Variants in ADGRL3 observed in about 807,000 individuals in gnomAD.
ADGRL3 encodes adhesion G protein-coupled receptor L3.
ADGRL3 carries 62 observed loss-of-function variants against 153.5 expected under a neutral mutation model. The ratio of observed to expected loss-of-function variants is 0.40; its 90% confidence interval spans 0.33 to 0.50. ADGRL3 has a LOEUF of 0.50. Among genes scored for constraint, ADGRL3 ranks in the 20% least tolerant of loss-of-function variants. The probability of loss-of-function intolerance (pLI) is 0.47; values close to 1 mark genes in which losing one functional copy is unlikely to be tolerated. For missense variants in ADGRL3, 1,641 were observed against 1,859.4 expected (o/e 0.88, Z 2.16); for synonymous variants, 710 against 672.5 (o/e 1.06, Z -0.86).
chr4:61,981,098 C>A (rs907904943), intron 18 of ADGRL3, among the ~76,000 whole-genome samples: 3 of 152,092 alleles, frequency 2.0e-5, no homozygotes, highest in African/African-American at 7.2e-5. Flanking sequence ...TTCCCATTAA[C>A]AATAAAGGAG....
rs144895277 is a variant in ADGRL3 at position 61,558,593 on chromosome 4, C to G, written c.260-28634C>G. 1.2e-4 allele frequency among the ~76,000 whole-genome samples: 18 copies of G among 152,018 alleles called. No homozygotes were observed. In the East Asian group the frequency reaches 2.9e-3, roughly 25 times the overall value. Reference sequence around the variant, plus strand: ...GTTCATTGATCTGTCTATATAACATCTATCATCTATCCATCTATCTATCAA... The same window carrying G: ...GTTCATTGATCTGTCTATATAACATGTATCATCTATCCATCTATCTATCAA... On this transcript the variant is annotated intron_variant, in intron 4 of 26. Coordinates refer to ENST00000683033, the MANE Select transcript of ADGRL3 (RefSeq NM_001387552.1).
intron 6 of ADGRL3, among the ~76,000 whole-genome samples, chr4:61,678,820 G>C (rs1330302941): frequency 1.3e-5 from 2 of 151,928 alleles, no homozygotes; most frequent in African/African-American, 4.8e-5. Flanking sequence ...AAATTATCTG[G>C]AGTATGTTTC....
chr4:61,598,138 G>A (rs193006125), intron 5 of ADGRL3, among the ~76,000 whole-genome samples: 75 of 151,856 alleles, frequency 4.9e-4, no homozygotes, highest in Middle Eastern at 6.8e-3. Context: ...TAGTAAGTTA[G>A]CATTTCCCTG....
chr4:62,069,439 C>A (rs922758536), intron 26 of ADGRL3, among the ~76,000 whole-genome samples: 2 of 151,926 alleles, frequency 1.3e-5, no homozygotes, highest in Non-Finnish European at 2.9e-5. Context: ...ACTTTTGTTT[C>A]GAAAATTCCT....
chr4:61,384,932 C>T (rs998750566), intron 2 of ADGRL3, among the ~76,000 whole-genome samples: 2 of 151,938 alleles, frequency 1.3e-5, no homozygotes, highest in African/African-American at 2.4e-5. Context: ...TAACTGCTAA[C>T]GGATACAAGG....
At chr4:61,886,425 A>AAGGAAATGCTT (rs2098539167) in intron 9 of ADGRL3, among the ~76,000 whole-genome samples, 1 of 152,118 alleles carries the variant, frequency 6.6e-6, no homozygotes, top group Admixed American at 6.5e-5. Context: ...GGGTGGGGAG[A>AAGGAAATGCTT]AGGAAATGCT....
chr4:61,530,080 G>A lies in ADGRL3; in HGVS notation c.259+12562G>A, dbSNP rs945569419. 7.9e-5 allele frequency among the ~76,000 whole-genome samples: 12 copies of A among 152,180 alleles called. 1 individual carries two copies. The highest frequency in any genetic ancestry group is 3.4e-3 in the Middle Eastern group (1 of 294). On this transcript the variant is annotated intron_variant, in intron 4 of 26. Coordinates refer to ENST00000683033, the MANE Select transcript of ADGRL3 (RefSeq NM_001387552.1). ...AGTTTTCAGTATGATGTATTTCCAGGTGTCCATGAGCCAGTTCTGTAGGGA... is the reference window on the plus strand; with the variant it reads ...AGTTTTCAGTATGATGTATTTCCAGATGTCCATGAGCCAGTTCTGTAGGGA...
chr4:61,291,222 A>G (rs948435681), intron 1 of ADGRL3, among the ~76,000 whole-genome samples: 30 of 150,400 alleles, frequency 2.0e-4, no homozygotes, highest in African/African-American at 7.3e-4. Context: ...ACACACGCAC[A>G]CACACACACC....
chr4:61,794,664 A>G (rs1280593536), intron 8 of ADGRL3, among the ~76,000 whole-genome samples: 2 of 152,216 alleles, frequency 1.3e-5, no homozygotes, highest in South Asian at 2.1e-4. Context: ...GTGATTGTTC[A>G]CTTGCCTGTG....
At chr4:61,207,723 T>C (rs1737972693) in intron 1 of ADGRL3, among the ~76,000 whole-genome samples, 1 of 152,210 alleles carries the variant, frequency 6.6e-6, no homozygotes, top group Admixed American at 6.5e-5. Context: ...GTTTTCTGAC[T>C]TTTTAATGAT....
intron 9 of ADGRL3, among the ~76,000 whole-genome samples, chr4:61,880,124 C>CTACAGA (rs2098500806): frequency 6.6e-6 from 1 of 152,124 alleles, no homozygotes; most frequent in Admixed American, 6.6e-5. Flanking sequence ...GTTACTAAGT[C>CTACAGA]CTCAACCTAC....
At chr4:61,240,699 A>G (rs1232707313) in intron 1 of ADGRL3, among the ~76,000 whole-genome samples, 1 of 151,988 alleles carries the variant, frequency 6.6e-6, no homozygotes, top group African/African-American at 2.4e-5. Context: ...CTAGGGATAT[A>G]CTCATGTGTT....
At chr4:61,861,071 T>C (rs2098335562) in intron 9 of ADGRL3, among the ~76,000 whole-genome samples, 1 of 152,220 alleles carries the variant, frequency 6.6e-6, no homozygotes, top group African/African-American at 2.4e-5. Context: ...AAACACAATT[T>C]TGAAATAGGA....
intron 1 of ADGRL3, among the ~76,000 whole-genome samples, chr4:61,252,538 C>T (rs1368289813): frequency 6.6e-6 from 1 of 152,112 alleles, no homozygotes; most frequent in East Asian, 1.9e-4. Flanking sequence ...AATTGTGTTT[C>T]AGTTGTAAAT....
chr4:61,946,858 G>A (rs1560413447), intron 15 of ADGRL3, 56 bp from the exon 16 acceptor site: 4 of 1,306,634 alleles, frequency 3.1e-6, no homozygotes, highest in Non-Finnish European at 2.2e-6. Flanking sequence ...TATCTCATTA[G>A]TACTAACTAA....
At chr4:61,775,565 C>G (rs2097138410) in intron 8 of ADGRL3, 1 of 855,232 alleles carries the variant, frequency 1.2e-6, no homozygotes, top group Non-Finnish European at 2.0e-6. Flanking sequence ...CCCTCTCTGT[C>G]AGTTTTACAG....
rs909400881 is a variant in ADGRL3, at chr4:61,750,241, T to C, written c.1399+16687T>C. Among the ~76,000 whole-genome samples, 3 of 149,850 alleles carry C rather than the reference T, an allele frequency of 2.0e-5. No individual in the cohort carries two copies. The East Asian group carries it at 5.9e-4, about 30-fold the overall frequency. On this transcript the variant is annotated intron_variant, in intron 8 of 26. Transcript: ENST00000683033. ...TCCCTACTATTTTTTAGGTGTTTGC[T>C]GGCCATTTACAAAGATTATCAGATG... is the stretch of plus-strand genomic sequence containing the variant.
chr4:61,509,055 C>T (rs549832216), intron 3 of ADGRL3, among the ~76,000 whole-genome samples: 7 of 151,634 alleles, frequency 4.6e-5, no homozygotes, highest in South Asian at 2.1e-4. Context: ...TCCCACAACC[C>T]GTGGGAATTA....
chr4:61,317,142 A>G (rs971623987), intron 1 of ADGRL3, among the ~76,000 whole-genome samples: 1 of 152,150 alleles, frequency 6.6e-6, no homozygotes, highest in African/African-American at 2.4e-5. Flanking sequence ...GTTCCTTTAC[A>G]TGTCTGGAAA....
Sources: allele counts gnomAD v4.1 joint callset (sites outside exome capture counted in the v4.1 genomes callset), GRCh38; gene constraint gnomAD v4.1.1; transcripts MANE v1.5; gene names NCBI Gene and HGNC (gene_info 2026-07-23, HGNC 2026-07-21).